The following FSIP2 variants were observed in gnomAD, a reference collection of about 807,000 sequenced individuals.
The protein encoded by FSIP2 is fibrous sheath interacting protein 2.
In FSIP2, 367 loss-of-function variants were observed where a neutral mutation model predicts 510.5. That is an observed-to-expected ratio of 0.72 (90% CI 0.66 to 0.78). FSIP2 has a LOEUF of 0.78. FSIP2 is among the 30% of genes least tolerant of loss of function. FSIP2 has a pLI of 0.00. For missense variants in FSIP2, 7,594 were observed against 7,901.7 expected, an observed-to-expected ratio of 0.96 and a Z score of 1.48; for synonymous variants, 2,601 against 2,732.2, an observed-to-expected ratio of 0.95 and a Z score of 1.50.
chr2:185,782,638 G>A (rs1692876795), intron 13 of FSIP2, 67 bp from the exon 14 acceptor site: 1 of 898,014 alleles, frequency 1.1e-6, no homozygotes, highest in Non-Finnish European at 1.8e-6. Context: ...ACCTACTGGA[G>A]GATTACCATT....
chr2:185,763,349 T>C, intron 12 of FSIP2, 60 bp downstream of exon 12: 1 of 737,476 alleles, frequency 1.4e-6, no homozygotes, highest in Non-Finnish European at 2.4e-6. Flanking sequence ...GATCTTATGG[T>C]CATAATTGGT....
Position 185,782,739 on chromosome 2 carries a change from T to G in FSIP2, c.1446T>G (p.Phe482Leu). 1 of 1,510,374 alleles carries G rather than the reference T, an allele frequency of 6.6e-7. No homozygotes were observed. Among genetic ancestry groups the G allele is most frequent in the African/African-American group, 1.4e-5 (1 of 72,722 alleles). 93.6% of individuals were successfully genotyped at this position (1,510,374 alleles called of 1,614,324 possible). ...CTCATGCTACAGACCCGGGTATATT[T>G]TCTTCTCCTGTTTACACAAATATGT... Reference protein sequence around the residue: ...PQAHATDPGIFSSPVYTNMQQ... With the variant: ...PQAHATDPGILSSPVYTNMQQ... Residue 482 changes from phenylalanine (F) to leucine (L), a missense_variant, in exon 14 of 23, where the codon TTT becomes TTG. Coordinates refer to ENST00000424728, the MANE Select transcript of FSIP2 (RefSeq NM_173651.4).
At position 185,803,279 on chromosome 2, in the gene FSIP2, C is replaced by G; in HGVS notation, c.13973C>G (p.Ala4658Gly). 6.5e-7 allele frequency: 1 copy of G among 1,526,782 alleles called. No individual in the cohort carries two copies. The highest frequency in any genetic ancestry group is 1.2e-5 in the South Asian group (1 of 82,522). 94.6% of individuals were successfully genotyped at this position (1,526,782 alleles called of 1,614,324 possible). A position where few individuals can be genotyped will look rare whatever the true frequency, so the allele number is the denominator to read the frequency against. The change falls in exon 17 of 23, where the codon GCT becomes GGT. Residue 4658 changes from alanine (A) to glycine (G), a missense_variant. By Grantham distance (60) the Ala-to-Gly change is moderately conservative. Transcript: ENST00000424728. ...RDSEDELFEKAEELIHLITGE... is the reference protein window; with the variant it reads ...RDSEDELFEKGEELIHLITGE... Reference sequence around the variant, plus strand: ...TCAGAAGATGAACTGTTTGAGAAAGCTGAAGAACTCATACATTTGATTACA... The same window carrying G: ...TCAGAAGATGAACTGTTTGAGAAAGGTGAAGAACTCATACATTTGATTACA...
intron 8 of FSIP2, among the ~76,000 whole-genome samples, chr2:185,755,392 T>C (rs1692227086): frequency 6.6e-6 from 1 of 151,598 alleles, no homozygotes; most frequent in South Asian, 2.1e-4. Context: ...CTATAAAAAT[T>C]CCTACATCTT....
In FSIP2 at chr2:185,789,586, G is replaced by T. The variant is rs1309171889; in HGVS notation, c.2450G>T (p.Cys817Phe). The T allele has an allele frequency of 2.6e-6, 4 of 1,534,830 alleles. No homozygotes were observed. Among genetic ancestry groups the T allele is most frequent in the Non-Finnish European group, 3.5e-6 (4 of 1,145,880 alleles). ...ATGCCTCATACTTTGGACCCAATGT[G>T]TGATATTGCAGAGGACATGGTGCAT... ...NSMPHTLDPM[C>F]DIAEDMVHAI... The change falls in exon 16 of 23, where the codon TGT becomes TTT. Residue 817 changes from cysteine (C) to phenylalanine (F), a missense_variant. By Grantham distance (205) the Cys-to-Phe change is radical. Transcript: ENST00000424728.
intron 15 of FSIP2, among the ~76,000 whole-genome samples, chr2:185,787,508 C>T (rs1334435709): frequency 1.3e-5 from 2 of 151,740 alleles, no homozygotes; most frequent in Admixed American, 6.6e-5. Context: ...ACACTGAGAC[C>T]TACATATCAG....
chr2:185,738,710 G>C, upstream of FSIP2: 1 of 1,536,080 alleles, frequency 6.5e-7, no homozygotes, highest in African/African-American at 1.4e-5. Flanking sequence ...GCGCTGGCGC[G>C]AGCCGCCCCT....
rs748163105 is a variant in FSIP2 at position 185,802,851 on chromosome 2, G to A, written c.13545G>A (p.Met4515Ile). 1 of 1,507,544 alleles carries A rather than the reference G, an allele frequency of 6.6e-7. No homozygotes were observed. Among genetic ancestry groups the A allele is most frequent in the South Asian group, 1.3e-5 (1 of 78,518 alleles). The allele number at this position is 1,507,544 out of a possible 1,614,324, so 93.4% of individuals were successfully genotyped here. A position where few individuals can be genotyped will look rare whatever the true frequency, so the allele number is the denominator to read the frequency against. ...CAAACCTAGTTAGTGATATTAGGAT[G>A]AAAGTTTCCCAACATGAAATTCGAT... ...IASNLVSDIR[M>I]KVSQHEIRFS... is the part of the protein sequence containing the mutation. The change falls in exon 17 of 23, where the codon ATG (methionine) becomes ATA (isoleucine). Residue 4515 changes from methionine to isoleucine, a missense_variant. Met to Ile is a conservative substitution (Grantham distance 10, BLOSUM62 1). Coordinates refer to ENST00000424728, the MANE Select transcript of FSIP2 (RefSeq NM_173651.4).
chr2:185,826,352 G>A (rs187053719), intron 20 of FSIP2, among the ~76,000 whole-genome samples: 35 of 151,784 alleles, frequency 2.3e-4, no homozygotes, highest in Middle Eastern at 3.4e-3. Flanking sequence ...ATTTCTTTCT[G>A]GCTCAATCCA....
In FSIP2 at chr2:185,756,269, G is replaced by C. The variant is rs181232065; in HGVS notation, c.1069G>C (p.Glu357Gln). 8.4e-4 allele frequency: 1,016 copies of C among 1,204,046 alleles called. 2 individuals carry two copies. Among genetic ancestry groups the C allele is most frequent in the East Asian group, 5.8e-3 (223 of 38,402 alleles). The allele number at this position is 1,204,046 out of a possible 1,614,324, so 74.6% of individuals were successfully genotyped here. Residue 357 changes from glutamate (E) to glutamine (Q), a missense_variant, in exon 9 of 23, where the codon GAA (glutamate) becomes CAA (glutamine). By Grantham distance (29) the Glu-to-Gln change is conservative. Transcript: ENST00000424728. The stretch of plus-strand genomic sequence containing the variant: ...TGCTGGAGACCAGAATACATATAAA[G>C]AAACACATGGTAATTGAATATTGTG... ...YPAGDQNTYK[E>Q]THGHTANAAH... is the part of the protein sequence containing the mutation.
chr2:185,757,860 T>C (rs1047044654), intron 9 of FSIP2, among the ~76,000 whole-genome samples: 6 of 151,382 alleles, frequency 4.0e-5, no homozygotes, highest in Admixed American at 1.3e-4. Flanking sequence ...AACAGATGTA[T>C]AGATTTGTGT....
Position 185,790,258 on chromosome 2 carries a change from C to G in FSIP2, c.3122C>G (p.Thr1041Ser). ...IPNHWFTKGN[T>S]CFECKRNIKP... Reference sequence around the variant, plus strand: ...AATCATTGGTTTACAAAGGGAAACACTTGTTTTGAATGCAAAAGAAATATC... The same window carrying G: ...AATCATTGGTTTACAAAGGGAAACAGTTGTTTTGAATGCAAAAGAAATATC... Residue 1041 changes from threonine to serine, a missense_variant, in exon 16 of 23, where the codon ACT (threonine) becomes AGT (serine). Thr to Ser is a moderately conservative substitution (Grantham distance 58). Coordinates refer to ENST00000424728, the MANE Select transcript of FSIP2 (RefSeq NM_173651.4). 5.9e-6 allele frequency: 9 copies of G among 1,533,138 alleles called. No individual in the cohort carries two copies. Among genetic ancestry groups the G allele is most frequent in the Non-Finnish European group, 7.0e-6 (8 of 1,145,180 alleles). The allele number at this position is 1,533,138 out of a possible 1,614,324, so 95.0% of individuals were successfully genotyped here.
chr2:185,795,535 G>C lies in FSIP2; in HGVS notation c.8399G>C (p.Arg2800Thr). The change falls in exon 16 of 23, where the codon AGA (arginine) becomes ACA (threonine). Residue 2800 changes from arginine (R) to threonine (T), a missense_variant. Transcript: ENST00000424728. ...LAYPMKSSHL[R>T]LSQGNIGTGS... ...TACCCGATGAAATCCTCACATCTCA[G>C]ACTTTCACAGGGGAATATAGGCACA... The C allele has an allele frequency of 6.5e-7, 1 of 1,534,798 alleles. No individual in the cohort carries two copies. The highest frequency in any genetic ancestry group is 8.7e-7 in the Non-Finnish European group (1 of 1,146,032).
At chr2:185,833,050 A>G (rs1285412538) in intron 22 of FSIP2, 40 bp from the exon 23 acceptor site, 1 of 1,599,890 alleles carries the variant, frequency 6.3e-7, no homozygotes, top group Non-Finnish European at 8.5e-7. Flanking sequence ...TCAGTGTTCA[A>G]AAATAAAGAT....
In FSIP2 at chr2:185,789,106, C is replaced by T; in HGVS notation, c.1970C>T (p.Thr657Ile). 1.2e-5 allele frequency: 18 copies of T among 1,534,798 alleles called. No homozygotes were observed. The highest frequency in any genetic ancestry group is 1.6e-5 in the Non-Finnish European group (18 of 1,145,942). The change falls in exon 16 of 23, where the codon ACA (threonine) becomes ATA (isoleucine). Residue 657 changes from threonine to isoleucine, a missense_variant. Thr to Ile is a moderately conservative substitution (Grantham distance 89). Coordinates refer to ENST00000424728, the MANE Select transcript of FSIP2 (RefSeq NM_173651.4). ...CTTTTAGCATCATTTGAAACAGGCACAAAAAAATCTAAGGATGCTACCACT... is the reference window on the plus strand; with the variant it reads ...CTTTTAGCATCATTTGAAACAGGCATAAAAAAATCTAAGGATGCTACCACT... ...SHLLASFETG[T>I]KKSKDATTET... is the part of the protein sequence containing the mutation.
At chr2:185,788,569 T>G in intron 15 of FSIP2, 74 bp from the exon 16 acceptor site, 1 of 1,024,626 alleles carries the variant, frequency 9.8e-7, no homozygotes, top group Non-Finnish European at 1.4e-6. Flanking sequence ...AAATTAAATG[T>G]TACCTTCTGT....
chr2:185,812,936 A>G (rs1267825813), intron 17 of FSIP2, among the ~76,000 whole-genome samples: 2 of 152,018 alleles, frequency 1.3e-5, no homozygotes, highest in Non-Finnish European at 2.9e-5. Flanking sequence ...ATTTAATTAT[A>G]ATTGTCTTTT....
intron 7 of FSIP2, among the ~76,000 whole-genome samples, chr2:185,752,171 G>T (rs974721718): frequency 1.3e-5 from 2 of 149,418 alleles, no homozygotes; most frequent in Admixed American, 6.7e-5. Flanking sequence ...ACTTTTTTTT[G>T]AGTATATGTT....
Position 185,806,542 on chromosome 2 carries a change from G to T in FSIP2, c.17236G>T (p.Glu5746Ter), listed in dbSNP as rs1247764992. ...AACTAACAAAAATATCTCTGCCAAAGAAAAAGAAGAGGAAGAGAGAGAAAA... is the reference window on the plus strand; with the variant it reads ...AACTAACAAAAATATCTCTGCCAAATAAAAAGAAGAGGAAGAGAGAGAAAA... ...SSTNKNISAK[E>*]KEEEEREKEK... is the part of the protein sequence containing the mutation. The change falls in exon 17 of 23, where the codon GAA becomes TAA. Residue 5746 changes from glutamate to a stop codon, truncating the protein, a stop_gained. Coordinates refer to ENST00000424728, the MANE Select transcript of FSIP2 (RefSeq NM_173651.4). LOFTEE classifies it high-confidence loss of function. 1 of 1,599,170 alleles carries T rather than the reference G, an allele frequency of 6.3e-7. No individual in the cohort carries two copies. Among genetic ancestry groups the T allele is most frequent in the South Asian group, 1.1e-5 (1 of 88,026 alleles).
Sources: allele counts gnomAD v4.1 joint callset (sites outside exome capture counted in the v4.1 genomes callset), GRCh38; gene constraint gnomAD v4.1.1; transcripts MANE v1.5; gene names NCBI Gene and HGNC (gene_info 2026-07-23, HGNC 2026-07-21).